POLR3B: variants seen among roughly 807,000 people sequenced by gnomAD.
The protein encoded by POLR3B is RNA polymerase III subunit B.
Under a neutral mutation model 147.4 loss-of-function variants are expected in POLR3B, and 96 were observed. The observed-to-expected ratio is 0.65, with a 90% CI of 0.55 to 0.77. The LOEUF (loss-of-function observed/expected upper bound fraction) is 0.77, where lower values mean the gene tolerates loss of function less well. POLR3B is among the 30% of genes least tolerant of loss of function. The probability of loss-of-function intolerance (pLI) is 0.00; values close to 1 mark genes in which losing one functional copy is unlikely to be tolerated. For synonymous variants in POLR3B, 461 were observed against 485.9 expected, an observed-to-expected ratio of 0.95 and a Z score of 0.67; for missense variants, 1,036 against 1,413.5, an observed-to-expected ratio of 0.73 and a Z score of 4.28.
intron 10 of POLR3B, among the ~76,000 whole-genome samples, chr12:106,398,177 G>A (rs1453310181): frequency 6.6e-6 from 1 of 152,228 alleles, no homozygotes; most frequent in African/African-American, 2.4e-5. Flanking sequence ...GGCACACCAG[G>A]AGATTATATC....
chr12:106,433,728 T>C lies in POLR3B; in HGVS notation c.1637T>C (p.Leu546Ser), dbSNP rs2037538970. 6.2e-7 allele frequency: 1 copy of C among 1,613,150 alleles called. No individual in the cohort carries two copies. The highest frequency in any genetic ancestry group is 1.7e-5 in the Admixed American group (1 of 59,992). ...CTTTCTTTTTGCCTAGGTAACATCT[T>C]AGGTGTCATTCGAGACCACAAAAAG... Reference protein sequence around the residue: ...VFLVFLNGNILGVIRDHKKLV... With the variant: ...VFLVFLNGNISGVIRDHKKLV... The change falls in exon 16 of 28, where the codon TTA (leucine) becomes TCA (serine). Residue 546 changes from leucine to serine, a missense_variant. By Grantham distance (145) the Leu-to-Ser change is moderately radical (BLOSUM62 -2). Coordinates refer to ENST00000228347, the MANE Select transcript of POLR3B (RefSeq NM_018082.6).
chr12:106,495,781 G>T (rs545213750), intron 23 of POLR3B, among the ~76,000 whole-genome samples: 2 of 152,342 alleles, frequency 1.3e-5, no homozygotes, highest in East Asian at 3.9e-4. Flanking sequence ...AGTCTCTGTG[G>T]CACAGGAGGG....
At chr12:106,400,799 CA>C (rs2037053717) in intron 10 of POLR3B, among the ~76,000 whole-genome samples, 1 of 152,064 alleles carries the variant, frequency 6.6e-6, no homozygotes, top group African/African-American at 2.4e-5. Flanking sequence ...CACAACATAC[CA>C]GAATCTCTGG....
At chr12:106,470,089 A>G (rs745368544) in intron 23 of POLR3B, among the ~76,000 whole-genome samples, 19 of 152,192 alleles carry the variant, frequency 1.2e-4, no homozygotes, top group Non-Finnish European at 2.2e-4. Flanking sequence ...AGGTACATCA[A>G]TCAAACGTAG....
chr12:106,384,593 G>C (rs1303390028), intron 9 of POLR3B, among the ~76,000 whole-genome samples: 1 of 152,114 alleles, frequency 6.6e-6, no homozygotes, highest in Non-Finnish European at 1.5e-5. Context: ...TCGAGTGTCT[G>C]TTTTGCAGTC....
At chr12:106,491,173 G>A (rs1408344782) in intron 23 of POLR3B, among the ~76,000 whole-genome samples, 1 of 152,166 alleles carries the variant, frequency 6.6e-6, no homozygotes, top group Non-Finnish European at 1.5e-5. Context: ...GTACCTCTCA[G>A]ACATTAGCTC....
chr12:106,414,968 A>G (rs1164098735), intron 12 of POLR3B, among the ~76,000 whole-genome samples: 1 of 152,188 alleles, frequency 6.6e-6, no homozygotes, highest in Non-Finnish European at 1.5e-5. Context: ...AGTGCCATCT[A>G]CCCATGCTGC....
chr12:106,366,698 A>T lies in POLR3B; in HGVS notation c.203A>T (p.Asp68Val), dbSNP rs2036540976. 6.2e-7 allele frequency: 1 copy of T among 1,613,290 alleles called. No individual in the cohort carries two copies. The highest frequency in any genetic ancestry group is 1.1e-5 in the South Asian group (1 of 91,074). ...IMKANEKVTS[D>V]ADPMWYLKYL... is the part of the protein sequence containing the mutation. Reference sequence around the variant, plus strand: ...AAAGCCAATGAAAAGGTTACAAGTGACGCTGACCCTATGTGGTACTTAAAG... The same window carrying T: ...AAAGCCAATGAAAAGGTTACAAGTGTCGCTGACCCTATGTGGTACTTAAAG... Residue 68 changes from aspartate to valine, a missense_variant, in exon 4 of 28, where the codon GAC becomes GTC. Physicochemically the swap from Asp to Val is radical, Grantham distance 152 (BLOSUM62 -3). Transcript: ENST00000228347.
At chr12:106,368,089 G>A (rs908975171) in intron 4 of POLR3B, among the ~76,000 whole-genome samples, 4 of 151,684 alleles carry the variant, frequency 2.6e-5, no homozygotes, top group African/African-American at 9.7e-5. Flanking sequence ...TCATTTTTCT[G>A]TTGTTCAGAC....
At chr12:106,456,991 A>G in intron 20 of POLR3B, 147 bp from the exon 21 acceptor site, 1 of 728,792 alleles carries the variant, frequency 1.4e-6, no homozygotes, top group Non-Finnish European at 2.5e-6. Flanking sequence ...TTTGGTTTGT[A>G]CTGGTCCCAG....
chr12:106,438,278 A>T (rs1180265049), intron 18 of POLR3B, among the ~76,000 whole-genome samples: 1 of 152,050 alleles, frequency 6.6e-6, no homozygotes, highest in African/African-American at 2.4e-5. Context: ...ATATTTCTGT[A>T]TGTACCATAA....
intron 23 of POLR3B, among the ~76,000 whole-genome samples, chr12:106,472,380 T>C (rs1183182029): frequency 6.6e-6 from 1 of 151,436 alleles, no homozygotes; most frequent in Admixed American, 6.6e-5. Context: ...ATATACCCAG[T>C]AATGGGATGG....
chr12:106,431,441 A>G (rs2037508999), intron 14 of POLR3B, among the ~76,000 whole-genome samples: 1 of 152,182 alleles, frequency 6.6e-6, no homozygotes, highest in South Asian at 2.1e-4. Flanking sequence ...TGAAGATACA[A>G]TCTTACAAGT....
chr12:106,440,499 C>A (rs183234819), intron 18 of POLR3B, among the ~76,000 whole-genome samples: 4 of 152,318 alleles, frequency 2.6e-5, no homozygotes, highest in African/African-American at 9.6e-5. Flanking sequence ...TCTCCCCACT[C>A]CCTGTTTCAA....
At chr12:106,390,257 A>G (rs1209719204) in intron 9 of POLR3B, among the ~76,000 whole-genome samples, 2 of 112,924 alleles carry the variant, frequency 1.8e-5, no homozygotes, top group East Asian at 4.9e-4. Context: ...ACAAGCAGAA[A>G]AACTCTCTCC....
chr12:106,453,026 CTT>C (rs770997629), intron 19 of POLR3B, among the ~76,000 whole-genome samples: 40 of 135,836 alleles, frequency 2.9e-4, no homozygotes, highest in Admixed American at 3.7e-4. Context: ...TTCTTTTCTT[CTT>C]TTTTTTTTTT....
Position 106,380,014 on chromosome 12 carries a change from C to T in POLR3B, c.615-17C>T. On this transcript the variant is annotated splice_polypyrimidine_tract_variant and intron_variant, in intron 8 of 27. Coordinates refer to ENST00000228347, the MANE Select transcript of POLR3B (RefSeq NM_018082.6). ...CTAAGTGGGGATGCAGTTTAACCAACTTGTATTTACTCATAGCTCTACCCA... is the reference window on the plus strand; with the variant it reads ...CTAAGTGGGGATGCAGTTTAACCAATTTGTATTTACTCATAGCTCTACCCA... 1 of 1,522,498 alleles carries T rather than the reference C, an allele frequency of 6.6e-7. No individual in the cohort carries two copies. The highest frequency in any genetic ancestry group is 9.1e-7 in the Non-Finnish European group (1 of 1,097,342). The allele number at this position is 1,522,498 out of a possible 1,614,324, so 94.3% of individuals were successfully genotyped here.
chr12:106,410,805 T>C (rs368820895), intron 11 of POLR3B, 21 bp from the exon 12 acceptor site: 10 of 1,611,688 alleles, frequency 6.2e-6, no homozygotes, highest in African/African-American at 5.3e-5. Flanking sequence ...TCAAAATTTT[T>C]CTCCAATTTC....
chr12:106,404,437 T>G (rs373838066), intron 10 of POLR3B, among the ~76,000 whole-genome samples: 23 of 152,238 alleles, frequency 1.5e-4, no homozygotes, highest in African/African-American at 4.3e-4. Context: ...ATATCTGGTG[T>G]TGTTAGTCTT....
Sources: allele counts gnomAD v4.1 joint callset (sites outside exome capture counted in the v4.1 genomes callset), GRCh38; gene constraint gnomAD v4.1.1; transcripts MANE v1.5; gene names NCBI Gene and HGNC (gene_info 2026-07-23, HGNC 2026-07-21).